The following PRORP variants were observed in gnomAD, a reference collection of about 807,000 sequenced individuals.
PRORP encodes the protein mitochondrial ribonuclease P catalytic subunit.
A neutral mutation model predicts 59.4 loss-of-function variants in PRORP; 51 were observed. The observed-to-expected ratio is 0.86, with a 90% CI of 0.69 to 1.08. The LOEUF is 1.08. PRORP is among the 50% of genes least tolerant of loss of function. The pLI, the probability that PRORP is intolerant of heterozygous loss-of-function variation, is 0.00. For synonymous variants in PRORP, 231 were observed against 245.6 expected, an observed-to-expected ratio of 0.94 and a Z score of 0.55; for missense variants, 646 against 690.3, an observed-to-expected ratio of 0.94 and a Z score of 0.72.
rs116351206 is a variant in PRORP, at chr14:35,234,129, A to G, written c.1276-32598A>G. ...ATCTTTCAATGAAATGTGTGCTCGA[A>G]GAGAGTAATTCTTTGTGCATGTAGG... On this transcript the variant is annotated intron_variant, in intron 5 of 7. Transcript: ENST00000534898. Among the ~76,000 whole-genome samples the G allele has an allele frequency of 7.7e-3, 1,170 of 152,320 alleles. 22 individuals carry two copies. The highest frequency in any genetic ancestry group is 0.027 in the African/African-American group (1,125 of 41,562).
intron 4 of PRORP, among the ~76,000 whole-genome samples, chr14:35,155,956 C>T (rs113256686): frequency 6.6e-6 from 1 of 152,080 alleles, no homozygotes; most frequent in African/African-American, 2.4e-5. Flanking sequence ...TAAAGGTTTC[C>T]TACTGTACTG....
chr14:35,154,558 C>G (rs781152050), intron 4 of PRORP, among the ~76,000 whole-genome samples: 2 of 152,058 alleles, frequency 1.3e-5, no homozygotes, highest in African/African-American at 2.4e-5. Context: ...TGAATCTGAT[C>G]AAGCATCTAG....
chr14:35,246,743 C>G (rs1051370073), intron 5 of PRORP, among the ~76,000 whole-genome samples: 2 of 152,160 alleles, frequency 1.3e-5, no homozygotes, highest in Non-Finnish European at 2.9e-5. Context: ...TGTTCTACTC[C>G]TACCAAGTGT....
chr14:35,267,237 T>C (rs1313476836), intron 6 of PRORP, among the ~76,000 whole-genome samples: 1 of 152,082 alleles, frequency 6.6e-6, no homozygotes, highest in East Asian at 1.9e-4. Context: ...GAAAGAGCAG[T>C]GAAAAAGACA....
intron 5 of PRORP, among the ~76,000 whole-genome samples, chr14:35,197,876 T>TTG (rs2049047585): frequency 6.6e-6 from 1 of 152,190 alleles, no homozygotes; most frequent in African/African-American, 2.4e-5. Context: ...AGGTTTAAGG[T>TTG]TGGTGCACAA....
At chr14:35,267,669 T>C (rs1413930980) in intron 6 of PRORP, among the ~76,000 whole-genome samples, 1 of 151,920 alleles carries the variant, frequency 6.6e-6, no homozygotes, top group Non-Finnish European at 1.5e-5. Context: ...TAGTCCCAGA[T>C]ACTGAGGAGG....
chr14:35,269,629 T>C (rs1285711697), intron 6 of PRORP, among the ~76,000 whole-genome samples: 2 of 152,174 alleles, frequency 1.3e-5, no homozygotes, highest in African/African-American at 4.8e-5. Flanking sequence ...ACCGAATACA[T>C]TTTTTCTTTT....
chr14:35,123,338 G>T lies in PRORP; in HGVS notation c.93G>T (p.Leu31=). ...GLGPGHSYVS[L]FLADRCGIRN... is the part of the protein sequence containing the mutation. ...GCCCAGGGCACTCTTATGTCTCGCT[G>T]TTTCTGGCAGACCGCTGTGGCATCA... The change falls in exon 2 of 8, where the codon CTG becomes CTT. Residue 31 remains leucine, a synonymous_variant. Transcript: ENST00000534898. 6.2e-7 allele frequency: 1 copy of T among 1,614,016 alleles called. No individual in the cohort carries two copies. Among genetic ancestry groups the T allele is most frequent in the Non-Finnish European group, 8.5e-7 (1 of 1,180,030 alleles).
Position 35,206,020 on chromosome 14 carries a change from A to G in PRORP, c.1275+25243A>G, listed in dbSNP as rs77733845. On this transcript the variant is annotated intron_variant, in intron 5 of 7. Coordinates refer to ENST00000534898, the MANE Select transcript of PRORP (RefSeq NM_014672.4). ...CAGCTCCTTGACAACAGGGTCTGTT[A>G]TTTGTTTTAGAAATCGCAACATCCA... Among the ~76,000 whole-genome samples the G allele has an allele frequency of 5.5e-3, 844 of 152,264 alleles. 8 individuals are homozygous for G. The highest frequency in any genetic ancestry group is 0.019 in the African/African-American group (793 of 41,558).
chr14:35,197,432 C>G (rs1270198089), intron 5 of PRORP, among the ~76,000 whole-genome samples: 2 of 152,086 alleles, frequency 1.3e-5, no homozygotes, highest in African/African-American at 4.8e-5. Context: ...ATTATTCTTA[C>G]CTAATTATTA....
chr14:35,266,815 G>A lies in PRORP; in HGVS notation c.1364G>A (p.Trp455Ter). The stretch of plus-strand genomic sequence containing the variant: ...CACATGCTAAGACGGAGTTCCCAGT[G>A]GAGTCGGGATGAGATGGAAGAGGTG... ...RKHMLRRSSQ[W>*]SRDEMEEVQK... The change falls in exon 6 of 8, where the codon TGG becomes TAG. Residue 455 changes from tryptophan to a stop codon, truncating the protein, a stop_gained. Coordinates refer to ENST00000534898, the MANE Select transcript of PRORP (RefSeq NM_014672.4). LOFTEE classifies it high-confidence loss of function. 1 of 1,614,172 alleles carries A rather than the reference G, an allele frequency of 6.2e-7. No homozygotes were observed.
chr14:35,272,651 A>G (rs79710514), intron 7 of PRORP, among the ~76,000 whole-genome samples: 4,543 of 152,300 alleles, frequency 0.03, 199 homozygotes, highest in African/African-American at 0.098. Context: ...GAAATTACAT[A>G]TCTGAGATGG....
chr14:35,180,543 T>C, intron 4 of PRORP, 127 bp from the exon 5 acceptor site: 1 of 611,244 alleles, frequency 1.6e-6, no homozygotes, highest in South Asian at 2.0e-5. Context: ...TGTGTGTGTG[T>C]GTGTGTGTAT....
At chr14:35,226,385 C>T (rs943390733) in intron 5 of PRORP, among the ~76,000 whole-genome samples, 1 of 152,124 alleles carries the variant, frequency 6.6e-6, no homozygotes, top group African/African-American at 2.4e-5. Flanking sequence ...AGAGCTAAAA[C>T]ATCCACAGGC....
At chr14:35,227,871 G>A (rs1296071790) in intron 5 of PRORP, among the ~76,000 whole-genome samples, 3 of 152,130 alleles carry the variant, frequency 2.0e-5, no homozygotes, top group African/African-American at 7.2e-5. Flanking sequence ...TCAGCCGGGC[G>A]CAGTGGCTCA....
intron 5 of PRORP, among the ~76,000 whole-genome samples, chr14:35,217,410 A>G (rs573510568): frequency 6.6e-6 from 1 of 151,832 alleles, no homozygotes; most frequent in Admixed American, 6.6e-5. Flanking sequence ...CTAAGGCAGG[A>G]GAATCACTTG....
Position 35,163,134 on chromosome 14 carries a change from A to G in PRORP, c.1168-17536A>G, listed in dbSNP as rs554800668. Among the ~76,000 whole-genome samples the G allele has an allele frequency of 3.3e-5, 5 of 152,254 alleles. No homozygotes were observed. In the East Asian group the frequency reaches 9.6e-4, roughly 29 times the overall value. On this transcript the variant is annotated intron_variant, in intron 4 of 7. Transcript: ENST00000534898. ...GAGGTAAATATTATAGGCCTCTGAT[A>G]AAATGTATTAATAATGCTCCCTGGG... is the stretch of plus-strand genomic sequence containing the variant.
chr14:35,144,362 A>T (rs1478766053), intron 4 of PRORP: 1 of 146,102 alleles, frequency 6.8e-6, no homozygotes, highest in Non-Finnish European at 1.5e-5. Flanking sequence ...TGACCTGCAG[A>T]TATTTTTTTG....
intron 5 of PRORP, among the ~76,000 whole-genome samples, chr14:35,226,049 G>A (rs1226484930): frequency 2.0e-5 from 3 of 152,120 alleles, no homozygotes; most frequent in Non-Finnish European, 2.9e-5. Context: ...GCTTAAGTAT[G>A]TATATTTTAC....
Sources: allele counts gnomAD v4.1 joint callset (sites outside exome capture counted in the v4.1 genomes callset), GRCh38; gene constraint gnomAD v4.1.1; transcripts MANE v1.5; gene names NCBI Gene and HGNC (gene_info 2026-07-23, HGNC 2026-07-21).